Variants in USP46 observed in about 807,000 individuals in gnomAD.
USP46 encodes ubiquitin specific peptidase 46.
USP46 carries 12 observed loss-of-function variants against 44.4 expected under a neutral mutation model. The ratio of observed to expected loss-of-function variants is 0.27; its 90% confidence interval spans 0.17 to 0.44. USP46 has a LOEUF of 0.44. Ranked by LOEUF, USP46 falls within the 20% of genes least tolerant of loss-of-function variation. USP46 has a pLI of 1.00. For missense variants in USP46, 248 were observed against 444.8 expected (o/e 0.56, Z 3.98); for synonymous variants, 155 against 161.5 (o/e 0.96, Z 0.31).
Position 52,596,703 on chromosome 4 carries a change from T to A in USP46, c.*937A>T, listed in dbSNP as rs1329133958. On this transcript the variant is annotated 3_prime_UTR_variant, in exon 9 of 9. Transcript: ENST00000441222. ...CTGGAAAGATGTAGTACCTTTGTTA[T>A]TCCTGATAAGGAACAATGCCGTGCT... The A allele has an allele frequency of 6.6e-6, 1 of 152,566 alleles. No individual in the cohort carries two copies. Among genetic ancestry groups the A allele is most frequent in the Admixed American group, 6.5e-5 (1 of 15,282 alleles). The allele number at this position is 152,566 out of a possible 1,614,324, so 9.5% of individuals were successfully genotyped here.
intron 3 of USP46, among the ~76,000 whole-genome samples, chr4:52,626,669 A>G (rs1023206747): frequency 3.3e-5 from 5 of 152,110 alleles, no homozygotes; most frequent in African/African-American, 1.2e-4. Flanking sequence ...ATGGAATATA[A>G]ATATACTCAT....
Position 52,597,373 on chromosome 4 carries a change from C to T in USP46, c.*267G>A, listed in dbSNP as rs192154967. On this transcript the variant is annotated 3_prime_UTR_variant, in exon 9 of 9. Coordinates refer to ENST00000441222, the MANE Select transcript of USP46 (RefSeq NM_022832.4). ...CAGCCAGACATAATGAATGGCATAG[C>T]TTTCACCCAGTCCTAAAATTAGCAA... The T allele has an allele frequency of 2.8e-4, 102 of 360,898 alleles. No individual in the cohort carries two copies. Among genetic ancestry groups the T allele is most frequent in the Non-Finnish European group, 3.8e-4 (76 of 200,156 alleles). 22.4% of individuals were successfully genotyped at this position (360,898 alleles called of 1,614,324 possible).
In USP46 at chr4:52,596,860, T is replaced by C. The variant is rs1325432813; in HGVS notation, c.*780A>G. On this transcript the variant is annotated 3_prime_UTR_variant, in exon 9 of 9. Coordinates refer to ENST00000441222, the MANE Select transcript of USP46 (RefSeq NM_022832.4). ...CAACTCACAGGGCCTTACATAAGTG[T>C]CACTGAAAATAAACAACATAGAGTT... is the stretch of plus-strand genomic sequence containing the variant. 1 of 152,600 alleles carries C rather than the reference T, an allele frequency of 6.6e-6. No individual in the cohort carries two copies. The highest frequency in any genetic ancestry group is 2.4e-5 in the African/African-American group (1 of 41,426). 9.5% of individuals were successfully genotyped at this position (152,600 alleles called of 1,614,324 possible).
Position 52,656,171 on chromosome 4 carries a change from T to C in USP46, c.36+2944A>G, listed in dbSNP as rs540449318. On this transcript the variant is annotated intron_variant, in intron 1 of 8. Coordinates refer to ENST00000441222, the MANE Select transcript of USP46 (RefSeq NM_022832.4). ...TTAAACGATGTGCTTAAGAAAAAAATGCAATCACCATTTGCTCTTACTACA... is the reference window on the plus strand; with the variant it reads ...TTAAACGATGTGCTTAAGAAAAAAACGCAATCACCATTTGCTCTTACTACA... 9.3e-6 allele frequency: 8 copies of C among 862,832 alleles called. No homozygotes were observed. The Admixed American group carries it at 1.4e-4, about 15-fold the overall frequency. 53.4% of individuals were successfully genotyped at this position (862,832 alleles called of 1,614,324 possible).
chr4:52,648,611 A>T (rs532595171), intron 1 of USP46, among the ~76,000 whole-genome samples: 1 of 152,324 alleles, frequency 6.6e-6, no homozygotes, highest in African/African-American at 2.4e-5. Flanking sequence ...CTCTAGAGTA[A>T]GAAAAGCTTG....
chr4:52,638,658 T>TA (rs1718213062), intron 1 of USP46, among the ~76,000 whole-genome samples: 1 of 148,652 alleles, frequency 6.7e-6, no homozygotes, highest in South Asian at 2.1e-4. Flanking sequence ...ATATTTTTTT[T>TA]ATGAAAAAAA....
intron 4 of USP46, among the ~76,000 whole-genome samples, chr4:52,616,218 T>C (rs751178791): frequency 6.6e-6 from 1 of 152,212 alleles, no homozygotes; most frequent in Non-Finnish European, 1.5e-5. Context: ...ATCTAGCAGG[T>C]AGAAGCCAGA....
intron 1 of USP46, among the ~76,000 whole-genome samples, chr4:52,641,501 T>G (rs1267140636): frequency 6.6e-6 from 1 of 152,200 alleles, no homozygotes; most frequent in Non-Finnish European, 1.5e-5. Context: ...AAGAAATGTT[T>G]TGAAGCAATT....
intron 7 of USP46, among the ~76,000 whole-genome samples, chr4:52,600,548 T>C (rs1472643293): frequency 2.0e-5 from 3 of 152,114 alleles, no homozygotes; most frequent in Non-Finnish European, 2.9e-5. Context: ...GAAACTGACC[T>C]TAGAGAACCC....
intron 5 of USP46, among the ~76,000 whole-genome samples, chr4:52,610,101 T>A (rs1716883125): frequency 6.7e-6 from 1 of 150,178 alleles, no homozygotes; most frequent in South Asian, 2.2e-4. Flanking sequence ...AATTTTTGTA[T>A]TTTTAGTAGA....
At position 52,610,610 on chromosome 4, in the gene USP46, C is replaced by T; in HGVS notation, c.569G>A (p.Ser190Asn). The T allele has an allele frequency of 1.2e-6, 2 of 1,613,760 alleles. No homozygotes were observed. The highest frequency in any genetic ancestry group is 2.2e-5 in the South Asian group (2 of 91,018). Residue 190 changes from serine (S) to asparagine (N), a missense_variant, in exon 5 of 9, where the codon AGC becomes AAC. By Grantham distance (46) the Ser-to-Asn change is conservative (BLOSUM62 1). Transcript: ENST00000441222. ...AAGGTCAAGAAAATCTTCATCTTTG[C>T]TACTAACCTGAAACAAAAAACAGAA... is the stretch of plus-strand genomic sequence containing the variant. ...TRCLNCETVSSKDEDFLDLSV... is the reference protein window; with the variant it reads ...TRCLNCETVSNKDEDFLDLSV...
chr4:52,611,629 G>A (rs1217285731), intron 4 of USP46, among the ~76,000 whole-genome samples: 1 of 152,182 alleles, frequency 6.6e-6, no homozygotes, highest in Non-Finnish European at 1.5e-5. Flanking sequence ...GCTCACACCT[G>A]TAATCACGGC....
At chr4:52,606,754 C>T (rs1012214315) in intron 5 of USP46, among the ~76,000 whole-genome samples, 2 of 152,158 alleles carry the variant, frequency 1.3e-5, no homozygotes, top group Non-Finnish European at 2.9e-5. Context: ...ACGACATAAT[C>T]AGGTAGTGCT....
intron 1 of USP46, among the ~76,000 whole-genome samples, chr4:52,657,951 G>A (rs1719015786): frequency 6.6e-6 from 1 of 152,192 alleles, no homozygotes; most frequent in Non-Finnish European, 1.5e-5. Flanking sequence ...GATTTAAAAA[G>A]CTATGTGATG....
chr4:52,611,104 G>A (rs538381034), intron 4 of USP46, among the ~76,000 whole-genome samples: 1 of 152,170 alleles, frequency 6.6e-6, no homozygotes, highest in Non-Finnish European at 1.5e-5. Context: ...GTGGGCCAGG[G>A]AGCCTGACAG....
intron 4 of USP46, among the ~76,000 whole-genome samples, chr4:52,622,582 T>A (rs1370444535): frequency 1.3e-5 from 2 of 152,178 alleles, no homozygotes; most frequent in Non-Finnish European, 2.9e-5. Flanking sequence ...ACCGACACTA[T>A]CCCTGTCCTC....
chr4:52,605,020 C>G (rs1560392394), intron 5 of USP46, among the ~76,000 whole-genome samples: 1 of 152,152 alleles, frequency 6.6e-6, no homozygotes, highest in African/African-American at 2.4e-5. Context: ...GAAAGTAAAT[C>G]ACATAACATG....
At chr4:52,610,778 C>T (rs1390693174) in intron 4 of USP46, among the ~76,000 whole-genome samples, 161 bp from the exon 5 acceptor site, 2 of 152,184 alleles carry the variant, frequency 1.3e-5, no homozygotes, top group South Asian at 2.1e-4. Flanking sequence ...TCAAAAACAA[C>T]CCAATCTAGA....
chr4:52,638,371 C>T (rs536442315), intron 1 of USP46, among the ~76,000 whole-genome samples: 1 of 152,218 alleles, frequency 6.6e-6, no homozygotes, highest in East Asian at 1.9e-4. Flanking sequence ...AGATTCTCCC[C>T]TAGAGCCTCT....
Sources: gnomAD v4.1 joint callset for allele counts (sites outside exome capture counted in the v4.1 genomes callset) on GRCh38, gnomAD v4.1.1 for gene constraint, MANE v1.5 for transcripts, NCBI Gene and HGNC (gene_info 2026-07-23, HGNC 2026-07-21) for gene names.